Variants in SH3PXD2A observed in about 807,000 individuals in gnomAD.
SH3PXD2A encodes the protein SH3 and PX domain-containing protein 2A.
SH3PXD2A carries 32 observed loss-of-function variants against 115.2 expected under a neutral mutation model. That is an observed-to-expected ratio of 0.28 (90% CI 0.21 to 0.37). The LOEUF is 0.37. SH3PXD2A is among the 10% of genes least tolerant of loss of function. SH3PXD2A has a pLI of 1.00. For synonymous variants in SH3PXD2A, 610 were observed against 629.1 expected (o/e 0.97, Z 0.45); for missense variants, 1,328 against 1,498.7 (o/e 0.89, Z 1.88).
intron 2 of SH3PXD2A, among the ~76,000 whole-genome samples, chr10:103,778,264 G>A (rs1435173829): frequency 6.6e-6 from 1 of 152,168 alleles, no homozygotes; most frequent in Non-Finnish European, 1.5e-5. Flanking sequence ...TCCGGGAGGC[G>A]GAGTTTGCAG....
intron 3 of SH3PXD2A, among the ~76,000 whole-genome samples, chr10:103,743,311 G>T (rs1312016419): frequency 6.6e-6 from 1 of 152,076 alleles, no homozygotes; most frequent in Non-Finnish European, 1.5e-5. Context: ...TGATTTCAGA[G>T]AGGCTGTTAC....
At position 103,599,226 on chromosome 10, in the gene SH3PXD2A, ACT is replaced by A. The variant is rs1397277603; in HGVS notation, c.*2588_*2589del. On this transcript the variant is annotated 3_prime_UTR_variant, in exon 15 of 15. Transcript: ENST00000369774. ...TCTCTTTCAGTCCTGCATTTTAATG[ACT>A]CTATTACTTACAGCACTGGGGGTCA... is the stretch of plus-strand genomic sequence containing the variant. 7.6e-6 allele frequency: 1 copy of A among 131,746 alleles called. No individual in the cohort carries two copies. The highest frequency in any genetic ancestry group is 2.9e-5 in the African/African-American group (1 of 34,762). The allele number at this position is 131,746 out of a possible 1,614,324, so 8.2% of individuals were successfully genotyped here.
chr10:103,623,595 A>AC (rs1279355028), intron 9 of SH3PXD2A, among the ~76,000 whole-genome samples: 3 of 152,004 alleles, frequency 2.0e-5, no homozygotes, highest in East Asian at 3.9e-4. Flanking sequence ...GCTTTCCTGG[A>AC]AGAAGAGGGA....
chr10:103,668,728 C>T, intron 6 of SH3PXD2A, 76 bp from the exon 7 acceptor site: 4 of 1,339,500 alleles, frequency 3.0e-6, no homozygotes, highest in Non-Finnish European at 3.1e-6. Flanking sequence ...GGCAGGAGGT[C>T]CACAGTGAGT....
intron 9 of SH3PXD2A, among the ~76,000 whole-genome samples, chr10:103,625,223 C>T (rs2036673883): frequency 6.6e-6 from 1 of 152,230 alleles, no homozygotes; most frequent in Non-Finnish European, 1.5e-5. Flanking sequence ...CCTGCCCTGG[C>T]CTTCTCCCCA....
chr10:103,623,681 C>T lies in SH3PXD2A; in HGVS notation c.719-1128G>A, dbSNP rs573354058. On this transcript the variant is annotated intron_variant, in intron 9 of 14. Transcript: ENST00000369774. ...CAGTCCAGGCCCCACTGCCAGCAACCTGTGTCACTCTAGGAGGCCAGCCAC... is the reference window on the plus strand; with the variant it reads ...CAGTCCAGGCCCCACTGCCAGCAACTTGTGTCACTCTAGGAGGCCAGCCAC... Among the ~76,000 whole-genome samples the T allele has an allele frequency of 7.9e-5, 12 of 152,316 alleles. No individual in the cohort carries two copies. In the South Asian group the frequency reaches 1.5e-3, roughly 18 times the overall value.
At position 103,602,156 on chromosome 10, in the gene SH3PXD2A, G is replaced by C. The variant is rs746003902; in HGVS notation, c.3062C>G (p.Ala1021Gly). Residue 1021 changes from alanine (A) to glycine (G), a missense_variant, in exon 15 of 15, where the codon GCT becomes GGT. Ala to Gly is a moderately conservative substitution (Grantham distance 60). Coordinates refer to ENST00000369774, the MANE Select transcript of SH3PXD2A (RefSeq NM_001394015.1). ...GVRRNSSFSTARSAAAEAKGR... is the reference protein window; with the variant it reads ...GVRRNSSFSTGRSAAAEAKGR... Reference sequence around the variant, plus strand: ...CTTGGCCTCGGCGGCAGCGGAGCGAGCAGTGCTAAAGGAGGAGTTCCGTCG... The same window carrying C: ...CTTGGCCTCGGCGGCAGCGGAGCGACCAGTGCTAAAGGAGGAGTTCCGTCG... The C allele has an allele frequency of 5.7e-6, 9 of 1,575,820 alleles. No homozygotes were observed. The South Asian group carries it at 5.9e-5, about 10-fold the overall frequency.
intron 3 of SH3PXD2A, among the ~76,000 whole-genome samples, chr10:103,738,896 G>A (rs1227668890): frequency 1.3e-5 from 2 of 151,892 alleles, no homozygotes; most frequent in African/African-American, 4.8e-5. Context: ...CCGGGTTCAA[G>A]CAATTCTCCT....
At chr10:103,789,427 C>T (rs554141632) in intron 2 of SH3PXD2A, among the ~76,000 whole-genome samples, 17 of 152,300 alleles carry the variant, frequency 1.1e-4, no homozygotes, top group African/African-American at 3.4e-4. Context: ...GAGTCAGGCA[C>T]GTAGCTAGTG....
intron 7 of SH3PXD2A, chr10:103,661,882 G>A (rs1467974428): frequency 1.0e-6 from 1 of 984,974 alleles, no homozygotes; most frequent in Non-Finnish European, 1.2e-6. Context: ...AAGTCCCCGC[G>A]CCAGCGGCTG....
intron 2 of SH3PXD2A, among the ~76,000 whole-genome samples, chr10:103,798,810 C>T (rs913210026): frequency 6.6e-5 from 10 of 152,202 alleles, no homozygotes; most frequent in African/African-American, 1.9e-4. Flanking sequence ...GCTCTGAATA[C>T]GCCGGCAGGG....
chr10:103,803,459 G>C (rs1421414118), intron 1 of SH3PXD2A, among the ~76,000 whole-genome samples: 1 of 152,124 alleles, frequency 6.6e-6, no homozygotes, highest in East Asian at 1.9e-4. Flanking sequence ...ACAGCATAAA[G>C]CATGTATATG....
chr10:103,679,321 A>T (rs775489132), intron 6 of SH3PXD2A, among the ~76,000 whole-genome samples: 15 of 152,238 alleles, frequency 9.9e-5, no homozygotes, highest in Non-Finnish European at 1.9e-4. Context: ...TGCAGTAGAC[A>T]AACCTAGAAG....
intron 9 of SH3PXD2A, among the ~76,000 whole-genome samples, chr10:103,626,181 G>T (rs1170909348): frequency 6.6e-6 from 1 of 152,390 alleles, no homozygotes; most frequent in East Asian, 1.9e-4. Flanking sequence ...CGACATAGGA[G>T]GAAGGGCGAA....
At chr10:103,716,385 C>A (rs991257168) in intron 5 of SH3PXD2A, among the ~76,000 whole-genome samples, 2 of 152,182 alleles carry the variant, frequency 1.3e-5, no homozygotes, top group African/African-American at 4.8e-5. Context: ...CCTCCTCTCA[C>A]CCCAGGTCCC....
chr10:103,789,185 G>C (rs61861090), intron 2 of SH3PXD2A, among the ~76,000 whole-genome samples: 2 of 147,212 alleles, frequency 1.4e-5, no homozygotes, highest in African/African-American at 2.5e-5. Context: ...GATGGGGGGG[G>C]TAGAAGGACC....
Position 103,605,838 on chromosome 10 carries a change from A to G in SH3PXD2A, c.1388T>C (p.Ile463Thr). Reference protein sequence around the residue: ...YYTIAEFQSCISDGISFRGGQ... With the variant: ...YYTIAEFQSCTSDGISFRGGQ... The stretch of plus-strand genomic sequence containing the variant: ...ACCCCGAAAGCTGATGCCATCGGAA[A>G]TGCACGACTGGAATTCGGCAATGGT... Residue 463 changes from isoleucine (I) to threonine (T), a missense_variant, in exon 14 of 15, where the codon ATT becomes ACT. Ile to Thr is a moderately conservative substitution (Grantham distance 89). Transcript: ENST00000369774. 6.2e-7 allele frequency: 1 copy of G among 1,613,736 alleles called. No homozygotes were observed. The highest frequency in any genetic ancestry group is 1.3e-5 in the African/African-American group (1 of 75,048).
intron 2 of SH3PXD2A, among the ~76,000 whole-genome samples, chr10:103,792,337 G>A (rs1267712261): frequency 2.0e-5 from 3 of 152,180 alleles, no homozygotes; most frequent in Non-Finnish European, 4.4e-5. Flanking sequence ...CTCTTCCCTG[G>A]AGGCAGGCCG....
At chr10:103,812,669 G>A (rs1175074193) in intron 1 of SH3PXD2A, among the ~76,000 whole-genome samples, 1 of 152,170 alleles carries the variant, frequency 6.6e-6, no homozygotes, top group Non-Finnish European at 1.5e-5. Context: ...AAACACAGCA[G>A]TCAGAGGCCA....
Sources: gnomAD v4.1 joint callset for allele counts (sites outside exome capture counted in the v4.1 genomes callset) on GRCh38, gnomAD v4.1.1 for gene constraint, MANE v1.5 for transcripts, NCBI Gene and HGNC (gene_info 2026-07-23, HGNC 2026-07-21) for gene names.